The following ZNF462 variants were observed in gnomAD, a reference collection of about 807,000 sequenced individuals.
ZNF462 encodes the protein zinc finger PBX1-interacting protein.
A neutral mutation model predicts 201.9 loss-of-function variants in ZNF462; 10 were observed. The ratio of observed to expected loss-of-function variants is 0.05; its 90% CI spans 0.03 to 0.08. ZNF462 has a LOEUF of 0.08. ZNF462 is among the 10% of genes least tolerant of loss of function. The probability of loss-of-function intolerance (pLI) is 1.00; values close to 1 mark genes in which losing one functional copy is unlikely to be tolerated. For synonymous variants in ZNF462, 1,227 were observed against 1,193.3 expected (o/e 1.03, Z -0.58); for missense variants, 2,523 against 3,168.3 (o/e 0.80, Z 4.89).
chr9:106,947,811 A>G (rs1172996609), intron 7 of ZNF462, among the ~76,000 whole-genome samples: 1 of 152,132 alleles, frequency 6.6e-6, no homozygotes, highest in Non-Finnish European at 1.5e-5. Context: ...TAGCAAAAAC[A>G]CATACCCAAG....
chr9:106,969,263 G>A (rs1245462451), intron 7 of ZNF462, among the ~76,000 whole-genome samples: 1 of 152,168 alleles, frequency 6.6e-6, no homozygotes, highest in African/African-American at 2.4e-5. Flanking sequence ...GGACGCATTA[G>A]CTGTTCCTTT....
intron 10 of ZNF462, among the ~76,000 whole-genome samples, chr9:106,999,833 C>T (rs992580974): frequency 6.6e-6 from 1 of 151,986 alleles, no homozygotes; most frequent in Non-Finnish European, 1.5e-5. Context: ...AGCCAGGAGG[C>T]GAGAATAACA....
At chr9:106,942,942 T>C (rs772784672) in intron 7 of ZNF462, among the ~76,000 whole-genome samples, 15 of 151,868 alleles carry the variant, frequency 9.9e-5, no homozygotes, top group Admixed American at 6.6e-4. Context: ...AGTTATGCTA[T>C]GGAATTGCCT....
intron 7 of ZNF462, among the ~76,000 whole-genome samples, chr9:106,943,059 C>CGCGCGCGCGCGCGCGCGTGTGTGT (rs374167214): frequency 7.0e-6 from 1 of 143,154 alleles, no homozygotes; most frequent in African/African-American, 2.6e-5. Context: ...TTTGCGCGCG[C>CGCGCGCGCGCGCGCGCGTGTGTGT]GTGTGTGTGT....
chr9:107,001,173 T>A (rs1829158798), intron 10 of ZNF462, among the ~76,000 whole-genome samples: 1 of 152,136 alleles, frequency 6.6e-6, no homozygotes, highest in South Asian at 2.1e-4. Context: ...ATACTTCTCT[T>A]CAAATATGTT....
Position 106,915,201 on chromosome 9 carries a change from GT to G in ZNF462, c.-30-8141del, listed in dbSNP as rs1373676014. ...AATGGCTGGATAGGCATTTCTGTAT[GT>G]TTTTTTTTTTTCTTTTTTTTTTTAA... On this transcript the variant is annotated intron_variant, in intron 1 of 12. Transcript: ENST00000277225. 3.0e-3 allele frequency among the ~76,000 whole-genome samples: 424 copies of G among 139,454 alleles called. 3 individuals are homozygous for G. Among genetic ancestry groups the G allele is most frequent in the East Asian group, 1.0e-2 (46 of 4,606 alleles). The allele number at this position is 139,454 out of a possible 152,430, so 91.5% of individuals were successfully genotyped here.
intron 7 of ZNF462, among the ~76,000 whole-genome samples, chr9:106,956,207 C>T (rs538385403): frequency 4.3e-4 from 65 of 152,200 alleles, no homozygotes; most frequent in African/African-American, 1.5e-3. Context: ...GGAAATTACT[C>T]CTTGATCCAT....
rs1831919697 is a variant in ZNF462 at position 106,963,228 on chromosome 9, AG to A, written c.6428-8775del. On this transcript the variant is annotated intron_variant, in intron 7 of 12. Transcript: ENST00000277225. The surrounding 1 kb of genome is among the most constrained non-coding windows in gnomAD (Gnocchi z 4.7). The stretch of plus-strand genomic sequence containing the variant: ...TATTTTGAGAATGGGAATTAAATCA[AG>A]GTACAAAGGAATTCGGATAGAACCG... Among the ~76,000 whole-genome samples the A allele has an allele frequency of 6.6e-6, 1 of 152,116 alleles. No homozygotes were observed. Among genetic ancestry groups the A allele is most frequent in the Admixed American group, 6.6e-5 (1 of 15,248 alleles).
Position 106,883,023 on chromosome 9 carries a change from T to G in ZNF462, c.-31+19668T>G, listed in dbSNP as rs1238846253. Among the ~76,000 whole-genome samples the G allele has an allele frequency of 1.3e-5, 2 of 152,210 alleles. No homozygotes were observed. The highest frequency in any genetic ancestry group is 4.8e-5 in the African/African-American group (2 of 41,448). On this transcript the variant is annotated intron_variant, in intron 1 of 12. Coordinates refer to ENST00000277225, the MANE Select transcript of ZNF462 (RefSeq NM_021224.6). This position sits in a 1 kb window ranked among gnomAD's most constrained non-coding sequence, Gnocchi z 4.9. ...GTCAAGCAGATTCAGAAAACATCCTTCTTCACCTTTGACTTTAGTTCTTGA... is the reference window on the plus strand; with the variant it reads ...GTCAAGCAGATTCAGAAAACATCCTGCTTCACCTTTGACTTTAGTTCTTGA...
rs1219466884 is a variant in ZNF462 at position 106,925,819 on chromosome 9, C to T, written c.1907C>T (p.Pro636Leu). Residue 636 changes from proline (P) to leucine (L), a missense_variant, in exon 3 of 13, where the codon CCC becomes CTC. Pro to Leu is a moderately conservative substitution (Grantham distance 98). Around this residue, in one of 15 missense-constraint regions of ZNF462, gnomAD observed 383 missense variants for 453.4 expected, o/e 0.84. Transcript: ENST00000277225. This position sits in a 1 kb window ranked among gnomAD's most constrained non-coding sequence, Gnocchi z 7.9. ...CDNLPKFEGQ[P>L]SSLPLENETD... The stretch of plus-strand genomic sequence containing the variant: ...AACTTGCCAAAATTCGAGGGGCAGC[C>T]CTCAAGCCTACCATTGGAAAATGAG... The T allele has an allele frequency of 5.6e-6, 9 of 1,614,076 alleles. No individual in the cohort carries two copies. Among genetic ancestry groups the T allele is most frequent in the Non-Finnish European group, 7.6e-6 (9 of 1,180,042 alleles).
At chr9:106,964,292 C>G (rs1831975178) in intron 7 of ZNF462, among the ~76,000 whole-genome samples, 1 of 152,056 alleles carries the variant, frequency 6.6e-6, no homozygotes, top group African/African-American at 2.4e-5. Context: ...AACAGCAGCA[C>G]ACAAGGGTTC....
chr9:106,925,817 G>A lies in ZNF462; in HGVS notation c.1905G>A (p.Gln635=), dbSNP rs1332093086. 5 of 1,614,058 alleles carry A rather than the reference G, an allele frequency of 3.1e-6. No homozygotes were observed. The African/African-American group carries it at 6.7e-5, about 22-fold the overall frequency. ...ACAACTTGCCAAAATTCGAGGGGCA[G>A]CCCTCAAGCCTACCATTGGAAAATG... ...FCDNLPKFEG[Q]PSSLPLENET... The change falls in exon 3 of 13, where the codon CAG becomes CAA. Residue 635 remains glutamine, a synonymous_variant. Coordinates refer to ENST00000277225, the MANE Select transcript of ZNF462 (RefSeq NM_021224.6). This position sits in a 1 kb window ranked among gnomAD's most constrained non-coding sequence, Gnocchi z 7.9.
rs1462543105 is a variant in ZNF462 at position 106,997,515 on chromosome 9, A to G, written c.7057-5779A>G. Among the ~76,000 whole-genome samples the G allele has an allele frequency of 2.6e-5, 4 of 152,184 alleles. No homozygotes were observed. The South Asian group carries it at 8.3e-4, about 31-fold the overall frequency. Reference sequence around the variant, plus strand: ...TTCAGCCATGGAAAACAGACATTCTACCATTTGGGACTGTATGGACAAACT... The same window carrying G: ...TTCAGCCATGGAAAACAGACATTCTGCCATTTGGGACTGTATGGACAAACT... On this transcript the variant is annotated intron_variant, in intron 10 of 12. Transcript: ENST00000277225.
rs1023456433 is a variant in ZNF462, at chr9:106,913,600, C to T, written c.-30-9754C>T. 1.4e-5 allele frequency among the ~76,000 whole-genome samples: 2 copies of T among 143,702 alleles called. No homozygotes were observed. The highest frequency in any genetic ancestry group is 5.5e-5 in the African/African-American group (2 of 36,206). 94.3% of individuals were successfully genotyped at this position (143,702 alleles called of 152,430 possible). ...TTAGTCAGAGGTCACATGCTAAAGA[C>T]TTAACTTTTTTTTTTTTGAGACAAT... On this transcript the variant is annotated intron_variant, in intron 1 of 12. Coordinates refer to ENST00000277225, the MANE Select transcript of ZNF462 (RefSeq NM_021224.6). This position sits in a 1 kb window ranked among gnomAD's most constrained non-coding sequence, Gnocchi z 4.1.
chr9:106,943,746 T>G (rs1016047618), intron 7 of ZNF462, among the ~76,000 whole-genome samples: 1 of 152,216 alleles, frequency 6.6e-6, no homozygotes, highest in African/African-American at 2.4e-5. Flanking sequence ...TATTAAATAC[T>G]TATTCTTTTC....
Position 106,895,857 on chromosome 9 carries a change from G to A in ZNF462, c.-30-27497G>A, listed in dbSNP as rs1038670459. Among the ~76,000 whole-genome samples, 2 of 152,044 alleles carry A rather than the reference G, an allele frequency of 1.3e-5. No individual in the cohort carries two copies. The highest frequency in any genetic ancestry group is 2.4e-5 in the African/African-American group (1 of 41,368). On this transcript the variant is annotated intron_variant, in intron 1 of 12. Transcript: ENST00000277225. This position sits in a 1 kb window ranked among gnomAD's most constrained non-coding sequence, Gnocchi z 4.4. The stretch of plus-strand genomic sequence containing the variant: ...GTTCTTCTTTCTTACATATGTTCAT[G>A]GAATTATTCATAGACAAACCATTCA...
rs568442988 is a variant in ZNF462 at position 106,927,696 on chromosome 9, C to A, written c.3784C>A (p.Leu1262Ile). ...PSNLERDKTK[L>I]RALKCRQCSY... ...TAATCTGGAGCGGGACAAAACGAAA[C>A]TCCGAGCACTCAAATGTAGGCAGTG... The change falls in exon 3 of 13, where the codon CTC becomes ATC. Residue 1262 changes from leucine to isoleucine, a missense_variant. This residue lies in a region of ZNF462 where 222 missense variants were observed against 271.6 expected (regional missense o/e 0.82). Transcript: ENST00000277225. The A allele has an allele frequency of 6.2e-7, 1 of 1,614,096 alleles. No individual in the cohort carries two copies. The highest frequency in any genetic ancestry group is 1.1e-5 in the South Asian group (1 of 91,068).
rs190120308 is a variant in ZNF462, at chr9:106,863,405, G to A, written c.-31+50G>A. ...CCTCGGGGTGGTCCGAGTGCTCCGG[G>A]GAAGAGAGCGCGGGGTGGTGGAGGC... On this transcript the variant is annotated intron_variant, in intron 1 of 12. Coordinates refer to ENST00000277225, the MANE Select transcript of ZNF462 (RefSeq NM_021224.6). 4.3e-4 allele frequency: 171 copies of A among 393,552 alleles called. 3 individuals carry two copies. In the East Asian group the frequency reaches 6.0e-3, roughly 14 times the overall value. 24.4% of individuals were successfully genotyped at this position (393,552 alleles called of 1,614,324 possible). A position where few individuals can be genotyped will look rare whatever the true frequency, so the allele number is the denominator to read the frequency against.
At chr9:106,873,857 G>A (rs1827709432) in intron 1 of ZNF462, among the ~76,000 whole-genome samples, 1 of 152,162 alleles carries the variant, frequency 6.6e-6, no homozygotes. Flanking sequence ...GACATTAGTT[G>A]CTGAATAGAC....
Sources: allele counts gnomAD v4.1 joint callset (sites outside exome capture counted in the v4.1 genomes callset), GRCh38; gene constraint gnomAD v4.1.1; regional missense constraint gnomAD v4.1.1; non-coding constraint Gnocchi (gnomAD v3.1); transcripts MANE v1.5; gene names NCBI Gene and HGNC (gene_info 2026-07-23, HGNC 2026-07-21).